Variants in RFX3 observed in about 807,000 individuals in gnomAD.
RFX3 encodes transcription factor RFX3.
A neutral mutation model predicts 98.6 loss-of-function variants in RFX3; 14 were observed. The ratio of observed to expected loss-of-function variants is 0.14; its 90% CI spans 0.09 to 0.22. RFX3 has a LOEUF of 0.22. Ranked by LOEUF, RFX3 falls within the 10% of genes least tolerant of loss-of-function variation. The probability of loss-of-function intolerance (pLI) is 1.00; values close to 1 mark genes in which losing one functional copy is unlikely to be tolerated. For missense variants in RFX3, 639 were observed against 926.9 expected, an observed-to-expected ratio of 0.69 and a Z score of 4.03; for synonymous variants, 383 against 328.4, an observed-to-expected ratio of 1.17 and a Z score of -1.80.
intron 1 of RFX3, among the ~76,000 whole-genome samples, chr9:3,434,909 T>G (rs145921799): frequency 6.6e-6 from 1 of 152,076 alleles, no homozygotes; most frequent in Non-Finnish European, 1.5e-5. Context: ...CTATATGCTA[T>G]AGCCTATTGC....
intron 2 of RFX3, among the ~76,000 whole-genome samples, chr9:3,394,291 G>A (rs1012598336): frequency 4.6e-5 from 7 of 152,100 alleles, no homozygotes; most frequent in South Asian, 2.1e-4. Flanking sequence ...GTGAAACCCC[G>A]TCTCTACTAA....
At position 3,401,662 on chromosome 9, in the gene RFX3, A is replaced by G. The variant is rs188596695; in HGVS notation, c.-8-6066T>C. ...TATTCTTACAGGAGAGACATGCACA[A>G]TTTCAGTCTAGTCATCCTCGCCTAA... On this transcript the variant is annotated intron_variant, in intron 1 of 16. Coordinates refer to ENST00000617270, the MANE Select transcript of RFX3 (RefSeq NM_001282116.2). 2.9e-4 allele frequency among the ~76,000 whole-genome samples: 44 copies of G among 152,330 alleles called. 1 individual carries two copies. Among genetic ancestry groups the G allele is most frequent in the Admixed American group, 1.7e-3 (26 of 15,290 alleles).
chr9:3,421,062 A>G lies in RFX3; in HGVS notation c.-8-25466T>C, dbSNP rs1843402494. ...CAAGAAGGCAACAAATAATCAATACAGTATCTCCTGAGGCTCTGGAGTGAC... is the reference window on the plus strand; with the variant it reads ...CAAGAAGGCAACAAATAATCAATACGGTATCTCCTGAGGCTCTGGAGTGAC... On this transcript the variant is annotated intron_variant, in intron 1 of 16. Transcript: ENST00000617270. The G allele has an allele frequency of 9.7e-6, 3 of 310,548 alleles. No homozygotes were observed. In the Admixed American group the frequency reaches 1.9e-4, roughly 20 times the overall value. The allele number at this position is 310,548 out of a possible 1,614,324, so 19.2% of individuals were successfully genotyped here.
intron 6 of RFX3, among the ~76,000 whole-genome samples, chr9:3,292,088 A>C (rs566102682): frequency 0.021 from 3,083 of 144,772 alleles, 170 homozygotes; most frequent in African/African-American, 0.063. Flanking sequence ...AAAAAAAAAA[A>C]AAAAAAAAAA....
At chr9:3,346,902 G>A in intron 2 of RFX3, 138 bp from the exon 3 acceptor site, 1 of 636,286 alleles carries the variant, frequency 1.6e-6, no homozygotes, top group East Asian at 2.8e-5. Flanking sequence ...TTAGATTCAT[G>A]TCATAGTTTC....
intron 1 of RFX3, among the ~76,000 whole-genome samples, chr9:3,398,914 T>TAAAAA (rs71324247): frequency 0.016 from 1,057 of 67,280 alleles, 39 homozygotes; most frequent in African/African-American, 0.034. Flanking sequence ...TAGAGTATAA[T>TAAAAA]AAAAAAAAAA....
chr9:3,525,947 AGAGAGAGAGC>A lies in RFX3; in HGVS notation c.-219_-210del. The A allele has an allele frequency of 1.2e-6, 1 of 814,962 alleles. No homozygotes were observed. The highest frequency in any genetic ancestry group is 1.5e-6 in the Non-Finnish European group (1 of 683,032). 50.5% of individuals were successfully genotyped at this position (814,962 alleles called of 1,614,324 possible). On this transcript the variant is annotated 5_prime_UTR_variant, in exon 1 of 17. Transcript: ENST00000617270. ...ACAAAAGAGAGAGAGAGAGGGAGAG[AGAGAGAGAGC>A]GAGAGGGAGAGGGAGACACTCGCAC...
intron 1 of RFX3, among the ~76,000 whole-genome samples, chr9:3,427,719 C>T (rs529985472): frequency 6.6e-6 from 1 of 152,126 alleles, no homozygotes; most frequent in Non-Finnish European, 1.5e-5. Context: ...CCAACATCTA[C>T]CAGAAACCTG....
chr9:3,397,712 C>G (rs1028652514), intron 1 of RFX3, among the ~76,000 whole-genome samples: 1 of 152,102 alleles, frequency 6.6e-6, no homozygotes, highest in African/African-American at 2.4e-5. Context: ...TTTTCTCATT[C>G]TTTTGTTAGT....
At chr9:3,345,461 A>C (rs1834352598) in intron 3 of RFX3, among the ~76,000 whole-genome samples, 1 of 152,148 alleles carries the variant, frequency 6.6e-6, no homozygotes, top group Non-Finnish European at 1.5e-5. Flanking sequence ...ATGTGGGTAG[A>C]TTCAGTGACC....
rs372718267 is a variant in RFX3 at position 3,360,988 on chromosome 9, GA to G, written c.118-14225del. Among the ~76,000 whole-genome samples the G allele has an allele frequency of 5.6e-4, 86 of 152,280 alleles. 1 individual carries two copies. The East Asian group carries it at 0.015, about 27-fold the overall frequency. On this transcript the variant is annotated intron_variant, in intron 2 of 16. Coordinates refer to ENST00000617270, the MANE Select transcript of RFX3 (RefSeq NM_001282116.2). Reference sequence around the variant, plus strand: ...CAAGGCCTTCATTGCCTTTCACACAGAAGAGCATTTCTTACACATTTGGTTG... The same window carrying G: ...CAAGGCCTTCATTGCCTTTCACACAGAGAGCATTTCTTACACATTTGGTTG...
rs1382914669 is a variant in RFX3, at chr9:3,512,308, GT to G, written c.-9+13438del. ...TTATATAGCTTTAGAGCAATAGAAG[GT>G]ACTACTTTGTTAAATCCATATAATG... On this transcript the variant is annotated intron_variant, in intron 1 of 16. Coordinates refer to ENST00000617270, the MANE Select transcript of RFX3 (RefSeq NM_001282116.2). Among the ~76,000 whole-genome samples, 185 of 151,998 alleles carry G rather than the reference GT, an allele frequency of 1.2e-3. 1 individual carries two copies. Among genetic ancestry groups the G allele is most frequent in the African/African-American group, 4.1e-3 (172 of 41,514 alleles).
At chr9:3,484,917 C>CT (rs1850120184) in intron 1 of RFX3, among the ~76,000 whole-genome samples, 1 of 150,462 alleles carries the variant, frequency 6.6e-6, no homozygotes, top group South Asian at 2.2e-4. Flanking sequence ...GACACCCCCC[C>CT]CCACCCCATC....
chr9:3,253,718 A>C (rs1312936339), intron 14 of RFX3, among the ~76,000 whole-genome samples: 1 of 152,174 alleles, frequency 6.6e-6, no homozygotes, highest in East Asian at 1.9e-4. Flanking sequence ...ATATACAAAA[A>C]ATTTTAGAAA....
At chr9:3,279,848 TTAA>T (rs1400334946) in intron 7 of RFX3, among the ~76,000 whole-genome samples, 1 of 151,820 alleles carries the variant, frequency 6.6e-6, no homozygotes, top group Non-Finnish European at 1.5e-5. Flanking sequence ...ATGATTATAC[TTAA>T]TGATACTGAG....
Position 3,224,275 on chromosome 9 carries a change from T to A in RFX3, c.*767A>T, listed in dbSNP as rs1817535857. On this transcript the variant is annotated 3_prime_UTR_variant, in exon 17 of 17. Coordinates refer to ENST00000617270, the MANE Select transcript of RFX3 (RefSeq NM_001282116.2). ...GCAGTGGTCCCAAATACAGAATCAG[T>A]AGTCTTTAAACAGAGGAATTGGTAT... 1 of 152,164 alleles carries A rather than the reference T, an allele frequency of 6.6e-6. No individual in the cohort carries two copies. Among genetic ancestry groups the A allele is most frequent in the African/African-American group, 2.4e-5 (1 of 41,456 alleles). The allele number at this position is 152,164 out of a possible 1,614,324, so 9.4% of individuals were successfully genotyped here. A position where few individuals can be genotyped will look rare whatever the true frequency, so the allele number is the denominator to read the frequency against.
chr9:3,356,145 C>A, intron 2 of RFX3, among the ~76,000 whole-genome samples: 1 of 110,038 alleles, frequency 9.1e-6, no homozygotes, highest in African/African-American at 4.6e-5. Context: ...TATATCAAAT[C>A]TAGAATAAGT....
intron 6 of RFX3, among the ~76,000 whole-genome samples, chr9:3,291,307 G>T (rs1827301016): frequency 6.6e-6 from 1 of 152,188 alleles, no homozygotes; most frequent in Non-Finnish European, 1.5e-5. Context: ...GGGGGGCAGA[G>T]GTTGCAGTGA....
Position 3,224,944 on chromosome 9 carries a change from A to T in RFX3, c.*98T>A, listed in dbSNP as rs1442494422. 1.7e-6 allele frequency: 2 copies of T among 1,205,696 alleles called. No homozygotes were observed. The highest frequency in any genetic ancestry group is 1.9e-5 in the Admixed American group (1 of 51,558). 74.7% of individuals were successfully genotyped at this position (1,205,696 alleles called of 1,614,324 possible). ...AAAAGTTAATGTTCAGCACAGATAG[A>T]ATTTGACAACAGTCGACCTTCAGGC... is the stretch of plus-strand genomic sequence containing the variant. On this transcript the variant is annotated 3_prime_UTR_variant, in exon 17 of 17. Coordinates refer to ENST00000617270, the MANE Select transcript of RFX3 (RefSeq NM_001282116.2).
Sources: allele counts gnomAD v4.1 joint callset (sites outside exome capture counted in the v4.1 genomes callset), GRCh38; gene constraint gnomAD v4.1.1; transcripts MANE v1.5; gene names NCBI Gene and HGNC (gene_info 2026-07-23, HGNC 2026-07-21).